The following LBH variants were observed in gnomAD, a reference collection of about 807,000 sequenced individuals.
LBH encodes the protein protein LBH.
In LBH, 7 loss-of-function variants were observed where a neutral mutation model predicts 12.5. The observed-to-expected ratio is 0.56, with a 90% CI of 0.32 to 1.05. The LOEUF (loss-of-function observed/expected upper bound fraction) is 1.05. LBH is among the 50% of genes least tolerant of loss of function. The pLI is 0.04. For missense variants in LBH, 119 were observed against 138.9 expected (o/e 0.86, Z 0.72); for synonymous variants, 51 against 50.1 (o/e 1.02, Z -0.08).
chr2:30,237,626 A>C (rs1402833937), intron 2 of LBH, among the ~76,000 whole-genome samples: 1 of 152,120 alleles, frequency 6.6e-6, no homozygotes, highest in Non-Finnish European at 1.5e-5. Context: ...TAGCTTCTGG[A>C]AAGGGCCTCC....
At chr2:30,232,242 G>C (rs570820304) in intron 1 of LBH, 2 of 716,590 alleles carry the variant, frequency 2.8e-6, no homozygotes, top group South Asian at 1.6e-5. Context: ...CCGGGGGGGT[G>C]GGGGGCGGGA....
At chr2:30,252,763 A>G (rs1411111281) in intron 2 of LBH, among the ~76,000 whole-genome samples, 1 of 152,080 alleles carries the variant, frequency 6.6e-6, no homozygotes, top group Non-Finnish European at 1.5e-5. Flanking sequence ...CATTGGATTC[A>G]TTTCAGCCAT....
chr2:30,238,443 TC>T lies in LBH; in HGVS notation c.129+3937del, dbSNP rs1677728294. 2.0e-5 allele frequency among the ~76,000 whole-genome samples: 3 copies of T among 152,308 alleles called. No homozygotes were observed. The South Asian group carries it at 6.2e-4, about 32-fold the overall frequency. ...GTCCCTTCCTGGCTGCCCCTTGTAT[TC>T]TTTCTGCTTTTATTCTTGGTCATGT... On this transcript the variant is annotated intron_variant, in intron 2 of 2. Coordinates refer to ENST00000395323, the MANE Select transcript of LBH (RefSeq NM_030915.4).
At chr2:30,232,260 TC>T in intron 1 of LBH, 1 of 1,502,996 alleles carries the variant, frequency 6.7e-7, no homozygotes, top group Non-Finnish European at 8.9e-7. Flanking sequence ...GGAAACGCTC[TC>T]CCCACACGTA....
Position 30,232,764 on chromosome 2 carries a change from A to G in LBH, c.26+1000A>G, listed in dbSNP as rs893149039. 3.9e-5 allele frequency: 6 copies of G among 152,426 alleles called. 1 individual carries two copies. Among genetic ancestry groups the G allele is most frequent in the Admixed American group, 2.6e-4 (4 of 15,316 alleles). The allele number at this position is 152,426 out of a possible 1,614,324, so 9.4% of individuals were successfully genotyped here. ...CCCCGAGCGAGGAAGAGCCGCCCCT[A>G]CGTCAGACTCTTCACCCTGCGTGCG... On this transcript the variant is annotated intron_variant, in intron 1 of 2. Transcript: ENST00000395323.
intron 2 of LBH, among the ~76,000 whole-genome samples, chr2:30,246,768 C>CTTTCTCTG (rs1553334693): frequency 6.8e-6 from 1 of 147,846 alleles, no homozygotes; most frequent in African/African-American, 2.5e-5. Flanking sequence ...TTCCTTCTTT[C>CTTTCTCTG]TCTTTCTTTC....
chr2:30,240,366 A>C (rs949385982), intron 2 of LBH, among the ~76,000 whole-genome samples: 1 of 152,202 alleles, frequency 6.6e-6, no homozygotes, highest in Non-Finnish European at 1.5e-5. Flanking sequence ...GACTGTAGCC[A>C]AGAGCTATTC....
chr2:30,246,058 A>G lies in LBH; in HGVS notation c.130-11375A>G, dbSNP rs377328601. On this transcript the variant is annotated intron_variant, in intron 2 of 2. Coordinates refer to ENST00000395323, the MANE Select transcript of LBH (RefSeq NM_030915.4). ...ACTGCAACCTCCGCCTTCCGGGTTC[A>G]AGGGATTCTCATGCCTCAGCCTCCC... 8.6e-5 allele frequency among the ~76,000 whole-genome samples: 13 copies of G among 151,828 alleles called. 1 individual carries two copies. The highest frequency in any genetic ancestry group is 3.1e-4 in the African/African-American group (13 of 41,398).
chr2:30,253,643 C>T (rs1317329864), intron 2 of LBH, among the ~76,000 whole-genome samples: 1 of 151,730 alleles, frequency 6.6e-6, no homozygotes, highest in African/African-American at 2.4e-5. Context: ...GTATGAATGG[C>T]GCTGTTTGGA....
At chr2:30,236,654 GCTGTGCTGGCCT>G (rs1280575603) in intron 2 of LBH, among the ~76,000 whole-genome samples, 2 of 152,196 alleles carry the variant, frequency 1.3e-5, no homozygotes, top group Non-Finnish European at 2.9e-5. Flanking sequence ...TGTGCAACCT[GCTGTGCTGGCCT>G]CTGTGCCCAG....
At chr2:30,249,547 G>T (rs1677939247) in intron 2 of LBH, among the ~76,000 whole-genome samples, 2 of 152,202 alleles carry the variant, frequency 1.3e-5, no homozygotes, top group Admixed American at 1.3e-4. Context: ...TTGGGGGCGG[G>T]GTAGTGACAA....
chr2:30,249,054 T>G (rs1677926899), intron 2 of LBH, among the ~76,000 whole-genome samples: 1 of 143,538 alleles, frequency 7.0e-6, no homozygotes, highest in Non-Finnish European at 1.5e-5. Flanking sequence ...AGGGGAGATT[T>G]AAGGAAGATG....
At chr2:30,253,621 G>GT (rs1362220268) in intron 2 of LBH, among the ~76,000 whole-genome samples, 1 of 152,080 alleles carries the variant, frequency 6.6e-6, no homozygotes, top group African/African-American at 2.4e-5. Context: ...AGACTTAATT[G>GT]TGGAGCTCTC....
chr2:30,257,251 A>G lies in LBH; in HGVS notation c.130-182A>G, dbSNP rs6548004. On this transcript the variant is annotated intron_variant, in intron 2 of 2. Transcript: ENST00000395323. ...AAGTCTGACTGAGGGACAGTTTCCT[A>G]TGTTGCCCCAGAATATTCTCCCGTG... 5.6e-3 allele frequency among the ~76,000 whole-genome samples: 846 copies of G among 152,288 alleles called. 2 individuals carry two copies. Among genetic ancestry groups the G allele is most frequent in the African/African-American group, 0.019 (772 of 41,562 alleles).
In LBH at chr2:30,250,148, T is replaced by G. The variant is rs1308454451; in HGVS notation, c.130-7285T>G. On this transcript the variant is annotated intron_variant, in intron 2 of 2. Coordinates refer to ENST00000395323, the MANE Select transcript of LBH (RefSeq NM_030915.4). ...CTGCCTGTGGGAAGAGCAATTTTCC[T>G]GAGCGGGTTTGGGCTGATTGTTCTT... Among the ~76,000 whole-genome samples the G allele has an allele frequency of 4.6e-5, 7 of 152,200 alleles. No individual in the cohort carries two copies. The East Asian group carries it at 1.3e-3, about 29-fold the overall frequency.
intron 2 of LBH, among the ~76,000 whole-genome samples, chr2:30,251,753 GATATA>G (rs1459320504): frequency 2.0e-5 from 3 of 151,834 alleles, no homozygotes; most frequent in Admixed American, 6.6e-5. Context: ...ATTTATATGT[GATATA>G]ATATAAACAT....
At chr2:30,232,113 A>G (rs1440065003) in intron 1 of LBH, 3 of 1,542,488 alleles carry the variant, frequency 1.9e-6, no homozygotes, top group Non-Finnish European at 1.7e-6. Context: ...CACTTGGCGC[A>G]GGGGGGCTCC....
In LBH at chr2:30,257,670, A is replaced by G. The variant is rs1678109640; in HGVS notation, c.*49A>G. On this transcript the variant is annotated 3_prime_UTR_variant, in exon 3 of 3. Transcript: ENST00000395323. ...CATACCAGCCAGCATCTGTTCCTGA[A>G]CTGTGTTTTTCCCATCATGACGGAA... 1 of 1,395,028 alleles carries G rather than the reference A, an allele frequency of 7.2e-7. No individual in the cohort carries two copies. Among genetic ancestry groups the G allele is most frequent in the Non-Finnish European group, 9.8e-7 (1 of 1,025,630 alleles). 86.4% of individuals were successfully genotyped at this position (1,395,028 alleles called of 1,614,324 possible). A position where few individuals can be genotyped will look rare whatever the true frequency, so the allele number is the denominator to read the frequency against.
At chr2:30,234,343 T>C (rs1280505982) in intron 1 of LBH, 62 bp from the exon 2 acceptor site, 2 of 1,261,846 alleles carry the variant, frequency 1.6e-6, no homozygotes, top group Non-Finnish European at 2.3e-6. Context: ...AGTGAATGCA[T>C]GAAGAGTTAG....
Sources: gnomAD v4.1 joint callset for allele counts (sites outside exome capture counted in the v4.1 genomes callset) on GRCh38, gnomAD v4.1.1 for gene constraint, MANE v1.5 for transcripts, NCBI Gene and HGNC (gene_info 2026-07-23, HGNC 2026-07-21) for gene names.